Variants in PDZD2 observed in about 807,000 individuals in gnomAD.
PDZD2 encodes the protein PDZ domain-containing protein 2.
A neutral mutation model predicts 220.7 loss-of-function variants in PDZD2; 90 were observed. The ratio of observed to expected loss-of-function variants is 0.41; its 90% CI spans 0.34 to 0.49. PDZD2 has a LOEUF of 0.49. PDZD2 is among the 20% of genes least tolerant of loss of function. The pLI, the probability that PDZD2 is intolerant of heterozygous loss-of-function variation, is 0.28. For missense variants in PDZD2, 3,174 were observed against 3,608.5 expected (o/e 0.88, Z 3.08); for synonymous variants, 1,375 against 1,450.5 (o/e 0.95, Z 1.18).
At chr5:31,764,544 AGG>A (rs1751869220) in intron 1 of PDZD2, among the ~76,000 whole-genome samples, 2 of 152,192 alleles carry the variant, frequency 1.3e-5, no homozygotes, top group African/African-American at 4.8e-5. Context: ...CATCTTCTTT[AGG>A]AGTGTTCGGG....
chr5:31,831,936 A>G (rs1561492976), intron 2 of PDZD2, among the ~76,000 whole-genome samples: 1 of 148,732 alleles, frequency 6.7e-6, no homozygotes, highest in African/African-American at 2.5e-5. Flanking sequence ...AAAAAAAAAG[A>G]ATAACGATGG....
intron 2 of PDZD2, among the ~76,000 whole-genome samples, chr5:31,929,776 A>G (rs987339995): frequency 1.1e-4 from 16 of 151,878 alleles, no homozygotes; most frequent in African/African-American, 3.9e-4. Context: ...AGCGGCTAGC[A>G]TGACTATCTG....
At chr5:31,828,181 G>A (rs1310357821) in intron 2 of PDZD2, among the ~76,000 whole-genome samples, 3 of 152,206 alleles carry the variant, frequency 2.0e-5, no homozygotes, top group African/African-American at 7.2e-5. Flanking sequence ...GTGTGAGTAT[G>A]TTTTCAGTTC....
intron 2 of PDZD2, among the ~76,000 whole-genome samples, chr5:31,864,894 G>A (rs1302742343): frequency 7.3e-6 from 1 of 136,166 alleles, no homozygotes; most frequent in African/African-American, 2.8e-5. Flanking sequence ...TGTCGCCCAG[G>A]CTAGTGTGCA....
At chr5:31,895,993 T>C (rs1741514402) in intron 2 of PDZD2, among the ~76,000 whole-genome samples, 1 of 152,116 alleles carries the variant, frequency 6.6e-6, no homozygotes, top group Non-Finnish European at 1.5e-5. Context: ...GCAATAGCGA[T>C]TTGTTCCACT....
chr5:31,945,745 G>A (rs1746577832), intron 2 of PDZD2, among the ~76,000 whole-genome samples: 1 of 152,056 alleles, frequency 6.6e-6, no homozygotes, highest in African/African-American at 2.4e-5. Context: ...CTTGGATCCA[G>A]GTGCTTCCTG....
chr5:32,092,170 A>C lies in PDZD2; in HGVS notation c.7728-737A>C, dbSNP rs562645580. On this transcript the variant is annotated intron_variant, in intron 20 of 24. Coordinates refer to ENST00000438447, the MANE Select transcript of PDZD2 (RefSeq NM_178140.4). ...GCGCCTGTAATCCCACCTACTTGGGAGGCTGAGGCAGGAGAATCGCTTGAA... is the reference window on the plus strand; with the variant it reads ...GCGCCTGTAATCCCACCTACTTGGGCGGCTGAGGCAGGAGAATCGCTTGAA... 6.0e-5 allele frequency among the ~76,000 whole-genome samples: 9 copies of C among 150,588 alleles called. No homozygotes were observed. The East Asian group carries it at 1.8e-3, about 30-fold the overall frequency.
chr5:31,994,750 G>A (rs886099997), intron 3 of PDZD2, among the ~76,000 whole-genome samples: 1 of 152,160 alleles, frequency 6.6e-6, no homozygotes, highest in African/African-American at 2.4e-5. Context: ...GCCTCTCAAA[G>A]TGCTGGGATT....
Position 31,639,724 on chromosome 5 carries a change from C to T in PDZD2, c.-361+287C>T, listed in dbSNP as rs1040043095. On this transcript the variant is annotated intron_variant, in intron 1 of 24. Coordinates refer to ENST00000438447, the MANE Select transcript of PDZD2 (RefSeq NM_178140.4). This position sits in a 1 kb window ranked among gnomAD's most constrained non-coding sequence, Gnocchi z 4.1. ...AGCGGGACAACCGGAGACGCACTGCCGGGGGTACTCAAGACAGGGCCGGGA... is the reference window on the plus strand; with the variant it reads ...AGCGGGACAACCGGAGACGCACTGCTGGGGGTACTCAAGACAGGGCCGGGA... Among the ~76,000 whole-genome samples the T allele has an allele frequency of 6.6e-6, 1 of 152,146 alleles. No homozygotes were observed. The highest frequency in any genetic ancestry group is 2.4e-5 in the African/African-American group (1 of 41,460).
At chr5:31,918,191 T>C (rs1743854625) in intron 2 of PDZD2, among the ~76,000 whole-genome samples, 1 of 152,174 alleles carries the variant, frequency 6.6e-6, no homozygotes, top group Non-Finnish European at 1.5e-5. Context: ...CATGATCCTG[T>C]CACCTCCCAC....
rs1456441414 is a variant in PDZD2 at position 32,110,042 on chromosome 5, A to AGAT, written c.*1908_*1910dup. 1 of 71,768 alleles carries AGAT rather than the reference A, an allele frequency of 1.4e-5. No individual in the cohort carries two copies. The highest frequency in any genetic ancestry group is 2.8e-5 in the Non-Finnish European group (1 of 35,924). The allele number at this position is 71,768 out of a possible 1,614,324, so 4.4% of individuals were successfully genotyped here. Reference sequence around the variant, plus strand: ...AGTGCAAGGTGCATGCTTGATTGATAGATATTGATTGATTGTTTTTCAGTC... The same window carrying AGAT: ...AGTGCAAGGTGCATGCTTGATTGATAGATGATATTGATTGATTGTTTTTCAGTC... On this transcript the variant is annotated 3_prime_UTR_variant, in exon 25 of 25. Transcript: ENST00000438447.
chr5:32,016,508 G>C (rs939471727), intron 6 of PDZD2, among the ~76,000 whole-genome samples: 1 of 152,164 alleles, frequency 6.6e-6, no homozygotes, highest in Non-Finnish European at 1.5e-5. Context: ...CAGATCTTCG[G>C]AGTAGTACTG....
At chr5:31,643,203 G>A (rs1315265858) in intron 1 of PDZD2, among the ~76,000 whole-genome samples, 1 of 152,174 alleles carries the variant, frequency 6.6e-6, no homozygotes, top group Non-Finnish European at 1.5e-5. Context: ...ACCAAAGTCA[G>A]TGAGAGCCCA....
chr5:31,810,511 C>A (rs1028596345), intron 2 of PDZD2, among the ~76,000 whole-genome samples: 1 of 152,182 alleles, frequency 6.6e-6, no homozygotes, highest in Non-Finnish European at 1.5e-5. Flanking sequence ...GTGATCCGCC[C>A]ACCTTGGCCT....
At chr5:31,652,379 G>A (rs13357590) in intron 1 of PDZD2, among the ~76,000 whole-genome samples, 14,657 of 152,164 alleles carry the variant, frequency 0.096, 965 homozygotes, top group African/African-American at 0.19. Context: ...CAACAATGGC[G>A]GTCCTGCAGA....
intron 2 of PDZD2, among the ~76,000 whole-genome samples, chr5:31,853,856 G>A (rs1019985202): frequency 6.6e-6 from 1 of 152,098 alleles, no homozygotes; most frequent in African/African-American, 2.4e-5. Context: ...GAGGCCCAGG[G>A]CTTGAGTGAG....
At chr5:31,814,322 A>C (rs1580809479) in intron 2 of PDZD2, among the ~76,000 whole-genome samples, 1 of 152,214 alleles carries the variant, frequency 6.6e-6, no homozygotes, top group East Asian at 1.9e-4. Context: ...ATTCTGAGCC[A>C]AATATGAGTG....
chr5:32,078,805 T>TG (rs1741604966), intron 19 of PDZD2, among the ~76,000 whole-genome samples: 1 of 123,714 alleles, frequency 8.1e-6, no homozygotes, highest in African/African-American at 3.6e-5. Flanking sequence ...ACCCAATCTC[T>TG]GGGAAAAAAA....
intron 12 of PDZD2, among the ~76,000 whole-genome samples, chr5:32,058,623 G>A (rs1487562024): frequency 6.8e-6 from 1 of 147,156 alleles, no homozygotes; most frequent in Non-Finnish European, 1.5e-5. Flanking sequence ...GCAGTGAGCC[G>A]AGATCGTGCC....
Sources: allele counts gnomAD v4.1 joint callset (sites outside exome capture counted in the v4.1 genomes callset), GRCh38; gene constraint gnomAD v4.1.1; non-coding constraint Gnocchi (gnomAD v3.1); transcripts MANE v1.5; gene names NCBI Gene and HGNC (gene_info 2026-07-23, HGNC 2026-07-21).